The following ZNF211 variants were observed in gnomAD, a reference collection of about 807,000 sequenced individuals.
ZNF211 encodes the protein zinc finger protein 211, also known as zinc finger protein C2H2-25.
ZNF211 carries 18 observed loss-of-function variants against 12.1 expected under a neutral mutation model. That is an observed-to-expected ratio of 1.48 (90% confidence interval 1.03 to 2.20). ZNF211 has a LOEUF of 2.20. Ranked by LOEUF, ZNF211 falls within the 30% of genes most tolerant of loss-of-function variation. ZNF211 has a pLI of 0.00. For missense variants in ZNF211, 677 were observed against 703.1 expected (o/e 0.96, Z 0.42); for synonymous variants, 249 against 246.0 (o/e 1.01, Z -0.11).
chr19:57,642,109 A>G lies in ZNF211; in HGVS notation c.1662A>G (p.Gln554=), dbSNP rs765856148. 7.4e-6 allele frequency: 12 copies of G among 1,614,038 alleles called. No homozygotes were observed. The highest frequency in any genetic ancestry group is 1.6e-4 in the Middle Eastern group (1 of 6,082). Reference sequence around the variant, plus strand: ...GAAAAAGGCCTTATCAGTGCAGTCAATGTGGGAAATCCTTTGGCTGCAAAT... The same window carrying G: ...GAAAAAGGCCTTATCAGTGCAGTCAGTGTGGGAAATCCTTTGGCTGCAAAT... ...HTGKRPYQCS[Q]CGKSFGCKSV... is the part of the protein sequence containing the mutation. Residue 554 remains glutamine (Q), a synonymous_variant, in exon 4 of 4, where the codon CAA becomes CAG. Transcript: ENST00000240731.
At position 57,633,356 on chromosome 19, in the gene ZNF211, T is replaced by A. The variant is rs1446702552; in HGVS notation, c.10T>A (p.Phe4Ile). 2 of 1,593,330 alleles carry A rather than the reference T, an allele frequency of 1.3e-6. No individual in the cohort carries two copies. The highest frequency in any genetic ancestry group is 1.3e-5 in the African/African-American group (1 of 74,792). ...CGGCCTGGGGATAGCGATGCTCGGG[T>A]TCCCCCCGGGTCGCCCGCAGCTCCC... MLG[F>I]PPGRPQLPVQ... The change falls in exon 1 of 4, where the codon TTC becomes ATC. Residue 4 changes from phenylalanine to isoleucine, a missense_variant. By Grantham distance (21) the Phe-to-Ile change is conservative (BLOSUM62 0). Transcript: ENST00000240731.
chr19:57,638,895 TAA>T (rs1169048709), intron 3 of ZNF211, among the ~76,000 whole-genome samples: 1 of 152,240 alleles, frequency 6.6e-6, no homozygotes, highest in African/African-American at 2.4e-5. Context: ...ATTAGGTGCA[TAA>T]GTGTTTATAA....
chr19:57,640,746 AGAGAATTTCTG>A lies in ZNF211; in HGVS notation c.305_315del (p.Ile102LysfsTer21). The A allele has an allele frequency of 6.2e-7, 1 of 1,614,254 alleles. No individual in the cohort carries two copies. Among genetic ancestry groups the A allele is most frequent in the Non-Finnish European group, 8.5e-7 (1 of 1,180,040 alleles). ...GAACATGAGGAAACACCTTCTGAACAGAGAATTTCTGGAGAAAGAGTGCCACAGTTCAGGAC... is the reference window on the plus strand; with the variant it reads ...GAACATGAGGAAACACCTTCTGAACAGAGAAAGAGTGCCACAGTTCAGGAC... On this transcript the variant is annotated frameshift_variant, in exon 4 of 4. Transcript: ENST00000240731. LOFTEE classifies it low-confidence loss of function (END_TRUNC).
At chr19:57,639,933 A>T in intron 3 of ZNF211, 1 of 1,535,574 alleles carries the variant, frequency 6.5e-7, no homozygotes, top group Non-Finnish European at 8.7e-7. Context: ...TCCTGGTCTC[A>T]TGTAGTTGCT....
chr19:57,641,336 C>T lies in ZNF211; in HGVS notation c.889C>T (p.Pro297Ser). ...QHQKVHSEERPYECNECGKFF... is the reference protein window; with the variant it reads ...QHQKVHSEERSYECNECGKFF... ...CCAGAAAGTCCACAGTGAAGAAAGG[C>T]CTTATGAATGCAATGAATGTGGAAA... The change falls in exon 4 of 4, where the codon CCT becomes TCT. Residue 297 changes from proline to serine, a missense_variant. Transcript: ENST00000240731. 1 of 1,614,168 alleles carries T rather than the reference C, an allele frequency of 6.2e-7. No individual in the cohort carries two copies.
chr19:57,633,659 C>T, intron 1 of ZNF211: 2 of 1,534,374 alleles, frequency 1.3e-6, no homozygotes, highest in South Asian at 1.2e-5. Context: ...AACCTGGGCT[C>T]CACATTGTTA....
rs781103212 is a variant in ZNF211 at position 57,633,454 on chromosome 19, C to T, written c.90+18C>T. On this transcript the variant is annotated intron_variant, in intron 1 of 3. Transcript: ENST00000240731. Reference sequence around the variant, plus strand: ...CGGCTTCGGTGAGCGCTGCGATCTCCGGGCCTCCCCCGGCCGAGATTCTTA... The same window carrying T: ...CGGCTTCGGTGAGCGCTGCGATCTCTGGGCCTCCCCCGGCCGAGATTCTTA... 1.7e-5 allele frequency: 27 copies of T among 1,583,522 alleles called. No homozygotes were observed. In the Admixed American group the frequency reaches 2.3e-4, roughly 14 times the overall value.
At chr19:57,634,278 T>C (rs1981862132) in intron 2 of ZNF211, 2 of 517,198 alleles carry the variant, frequency 3.9e-6, no homozygotes, top group East Asian at 6.3e-5. Context: ...AAATTTATGA[T>C]AGAAACAGGT....
In ZNF211 at chr19:57,641,372, T is replaced by G. The variant is rs778366799; in HGVS notation, c.925T>G (p.Tyr309Asp). The change falls in exon 4 of 4, where the codon TAC (tyrosine) becomes GAC (aspartate). Residue 309 changes from tyrosine (Y) to aspartate (D), a missense_variant. Tyr to Asp is a radical substitution (Grantham distance 160). Coordinates refer to ENST00000240731, the MANE Select transcript of ZNF211 (RefSeq NM_006385.5). The part of the protein sequence containing the change: ...ECNECGKFFT[Y>D]YSSFIIHQRV... ...CAATGAATGTGGAAAATTCTTTACCTACTACTCCAGTTTCATTATACATCA... is the reference window on the plus strand; with the variant it reads ...CAATGAATGTGGAAAATTCTTTACCGACTACTCCAGTTTCATTATACATCA... The G allele has an allele frequency of 1.9e-6, 3 of 1,614,098 alleles. No individual in the cohort carries two copies. In the East Asian group the frequency reaches 6.7e-5, roughly 36 times the overall value.
At position 57,633,372 on chromosome 19, in the gene ZNF211, C is replaced by T. The variant is rs199670185; in HGVS notation, c.26C>T (p.Pro9Leu). MLGFPPGRPQLPVQLRPQT... is the reference protein window; with the variant it reads MLGFPPGRLQLPVQLRPQT... ...ATGCTCGGGTTCCCCCCGGGTCGCC[C>T]GCAGCTCCCGGTCCAGCTCCGCCCA... The change falls in exon 1 of 4, where the codon CCG becomes CTG. Residue 9 changes from proline to leucine, a missense_variant. Transcript: ENST00000240731. The T allele has an allele frequency of 2.0e-4, 321 of 1,600,500 alleles. No homozygotes were observed. The highest frequency in any genetic ancestry group is 2.6e-5 in the Non-Finnish European group (31 of 1,176,568).
At chr19:57,634,604 G>A in intron 2 of ZNF211, 25 bp from the exon 3 acceptor site, 1 of 1,528,394 alleles carries the variant, frequency 6.5e-7, no homozygotes, top group South Asian at 1.3e-5. Flanking sequence ...ACTGTTCATG[G>A]TTTCATCAAT....
intron 3 of ZNF211, among the ~76,000 whole-genome samples, 179 bp from the exon 4 acceptor site, chr19:57,640,525 C>T (rs574673989): frequency 3.9e-5 from 6 of 152,340 alleles, no homozygotes; most frequent in South Asian, 2.1e-4. Context: ...TACCCTATTC[C>T]GTAACCTTAG....
chr19:57,633,716 C>T (rs1019515295), intron 1 of ZNF211: 21 of 1,532,968 alleles, frequency 1.4e-5, no homozygotes, highest in East Asian at 2.5e-5. Context: ...TTCTTAGGGC[C>T]GTGGGAGCCA....
chr19:57,638,151 A>G (rs1316048970), intron 3 of ZNF211, among the ~76,000 whole-genome samples: 2 of 152,082 alleles, frequency 1.3e-5, no homozygotes, highest in Admixed American at 1.3e-4. Flanking sequence ...CACCCACCTC[A>G]GCTTCCCAAA....
In ZNF211 at chr19:57,633,390, T is replaced by C. The variant is rs565395390; in HGVS notation, c.44T>C (p.Leu15Pro). Residue 15 changes from leucine to proline, a missense_variant, in exon 1 of 4, where the codon CTC (leucine) becomes CCC (proline). Coordinates refer to ENST00000240731, the MANE Select transcript of ZNF211 (RefSeq NM_006385.5). The part of the protein sequence containing the change: ...PPGRPQLPVQ[L>P]RPQTRMATAL... ...GGTCGCCCGCAGCTCCCGGTCCAGCTCCGCCCACAGACTCGGATGGCGACC... is the reference window on the plus strand; with the variant it reads ...GGTCGCCCGCAGCTCCCGGTCCAGCCCCGCCCACAGACTCGGATGGCGACC... 2 of 1,604,684 alleles carry C rather than the reference T, an allele frequency of 1.2e-6. No homozygotes were observed. The highest frequency in any genetic ancestry group is 1.7e-6 in the Non-Finnish European group (2 of 1,178,612).
chr19:57,634,936 T>G, intron 3 of ZNF211, 181 bp downstream of exon 3: 6 of 985,436 alleles, frequency 6.1e-6, no homozygotes, highest in Non-Finnish European at 7.2e-6. Context: ...AAAAGCATCT[T>G]GGGTAAGGAT....
intron 1 of ZNF211, 37 bp from the exon 2 acceptor site, chr19:57,633,986 A>T (rs200629079): frequency 6.3e-7 from 1 of 1,597,628 alleles, no homozygotes; most frequent in Admixed American, 1.7e-5. Flanking sequence ...GAGCACTGCC[A>T]TGATCACATT....
In ZNF211 at chr19:57,633,355, G is replaced by C. The variant is rs1356908499; in HGVS notation, c.9G>C (p.Gly3=). The C allele has an allele frequency of 1.3e-6, 2 of 1,593,492 alleles. No individual in the cohort carries two copies. The highest frequency in any genetic ancestry group is 8.5e-7 in the Non-Finnish European group (1 of 1,173,290). ML[G]FPPGRPQLPV... ...CCGGCCTGGGGATAGCGATGCTCGG[G>C]TTCCCCCCGGGTCGCCCGCAGCTCC... Residue 3 remains glycine, a synonymous_variant, in exon 1 of 4, where the codon GGG becomes GGC. Coordinates refer to ENST00000240731, the MANE Select transcript of ZNF211 (RefSeq NM_006385.5).
chr19:57,638,640 C>T (rs1287140291), intron 3 of ZNF211, among the ~76,000 whole-genome samples: 1 of 152,174 alleles, frequency 6.6e-6, no homozygotes, highest in Non-Finnish European at 1.5e-5. Flanking sequence ...AATTTATGGT[C>T]TGTCCTGGAG....
Sources: gnomAD v4.1 joint callset for allele counts (sites outside exome capture counted in the v4.1 genomes callset) on GRCh38, gnomAD v4.1.1 for gene constraint, MANE v1.5 for transcripts, NCBI Gene and HGNC (gene_info 2026-07-23, HGNC 2026-07-21) for gene names.